GRK5: variants seen among roughly 807,000 people sequenced by gnomAD.
GRK5 encodes g protein-coupled receptor kinase GRK5.
GRK5 carries 40 observed loss-of-function variants against 78.4 expected under a neutral mutation model. The ratio of observed to expected loss-of-function variants is 0.51; its 90% CI spans 0.40 to 0.66. GRK5 has a LOEUF of 0.66. Among genes scored for constraint, GRK5 ranks in the 30% least tolerant of loss-of-function variants. GRK5 has a pLI of 0.00. For synonymous variants in GRK5, 289 were observed against 296.8 expected (o/e 0.97, Z 0.27); for missense variants, 598 against 759.9 (o/e 0.79, Z 2.50).
At chr10:119,380,623 T>A (rs959426591) in intron 2 of GRK5, among the ~76,000 whole-genome samples, 192 bp from the exon 3 acceptor site, 2 of 152,176 alleles carry the variant, frequency 1.3e-5, no homozygotes, top group African/African-American at 4.8e-5. Context: ...GGCTGGGTCA[T>A]CACTGGTGCC....
At chr10:119,248,504 T>C (rs1208483167) in intron 1 of GRK5, among the ~76,000 whole-genome samples, 1 of 152,128 alleles carries the variant, frequency 6.6e-6, no homozygotes, top group Non-Finnish European at 1.5e-5. Context: ...CACCCTTTCT[T>C]TTTGATACTA....
intron 1 of GRK5, among the ~76,000 whole-genome samples, chr10:119,244,890 G>A (rs1393189909): frequency 6.6e-6 from 1 of 152,184 alleles, no homozygotes; most frequent in Middle Eastern, 3.2e-3. Flanking sequence ...AAATAGCATA[G>A]TCAGCTACTA....
At position 119,412,660 on chromosome 10, in the gene GRK5, GT is replaced by G. The variant is rs1852369741; in HGVS notation, c.340-10502del. 6.6e-6 allele frequency among the ~76,000 whole-genome samples: 1 copy of G among 152,180 alleles called. No homozygotes were observed. The highest frequency in any genetic ancestry group is 6.5e-5 in the Admixed American group (1 of 15,286). On this transcript the variant is annotated intron_variant, in intron 4 of 15. Coordinates refer to ENST00000392870, the MANE Select transcript of GRK5 (RefSeq NM_005308.3). The surrounding 1 kb of genome is among the most constrained non-coding windows in gnomAD (Gnocchi z 4.3). ...GTGGCTTTTCCACATGGCCCTGAAG[GT>G]TTTGATTAAAAAGGTGGAAGAATGG...
intron 1 of GRK5, among the ~76,000 whole-genome samples, chr10:119,322,381 A>T (rs902881476): frequency 9.9e-5 from 15 of 152,206 alleles, no homozygotes; most frequent in Admixed American, 9.8e-4. Flanking sequence ...CCCAGTGGTG[A>T]CAATTAAAAA....
intron 1 of GRK5, among the ~76,000 whole-genome samples, chr10:119,235,822 C>T (rs546351498): frequency 6.6e-6 from 1 of 152,224 alleles, no homozygotes; most frequent in East Asian, 1.9e-4. Flanking sequence ...AATAGGTGCT[C>T]AATAAGTACT....
chr10:119,452,714 T>C lies in GRK5; in HGVS notation c.1448T>C (p.Phe483Ser). The change falls in exon 14 of 16, where the codon TTC becomes TCC. Residue 483 changes from phenylalanine to serine, a missense_variant. Phe to Ser is a radical substitution (Grantham distance 155, BLOSUM62 -2). Transcript: ENST00000392870. The surrounding 1 kb of genome is among the most constrained non-coding windows in gnomAD (Gnocchi z 4.4). ...AAGGACGTGCTGGACATCGAGCAGT[T>C]CTCCACTGTGAAGGGCGTCAATCTG... ...YCKDVLDIEQ[F>S]STVKGVNLDH... The C allele has an allele frequency of 6.2e-7, 1 of 1,614,052 alleles. No individual in the cohort carries two copies. The highest frequency in any genetic ancestry group is 8.5e-7 in the Non-Finnish European group (1 of 1,180,006).
chr10:119,284,920 A>G (rs78265082), intron 1 of GRK5, among the ~76,000 whole-genome samples: 3,892 of 152,308 alleles, frequency 0.026, 75 homozygotes, highest in Admixed American at 0.055. Context: ...CGAGCTCCCC[A>G]TCCTGGGCTG....
Position 119,399,764 on chromosome 10 carries a change from T to C in GRK5, c.339+2992T>C, listed in dbSNP as rs142129160. On this transcript the variant is annotated intron_variant, in intron 4 of 15. Transcript: ENST00000392870. ...ATAATTTTTTTTCAATTTTCCATTCTGCTGAGCACACTTTGGGCTACAGAA... is the reference window on the plus strand; with the variant it reads ...ATAATTTTTTTTCAATTTTCCATTCCGCTGAGCACACTTTGGGCTACAGAA... 3.5e-4 allele frequency among the ~76,000 whole-genome samples: 53 copies of C among 152,332 alleles called. No individual in the cohort carries two copies. In the East Asian group the frequency reaches 7.3e-3, roughly 21 times the overall value.
chr10:119,226,313 AT>A lies in GRK5; in HGVS notation c.52+18360del, dbSNP rs746259846. 1.5e-3 allele frequency among the ~76,000 whole-genome samples: 167 copies of A among 108,814 alleles called. No individual in the cohort carries two copies. In the Middle Eastern group the frequency reaches 0.02, roughly 13 times the overall value. 71.4% of individuals were successfully genotyped at this position (108,814 alleles called of 152,430 possible). A position where few individuals can be genotyped will look rare whatever the true frequency, so the allele number is the denominator to read the frequency against. ...TTTCTTTTTTTTTTTTTTAATTTTA[AT>A]TTTTTTTTTTTTTTTGAGATGAAGC... On this transcript the variant is annotated intron_variant, in intron 1 of 15. Coordinates refer to ENST00000392870, the MANE Select transcript of GRK5 (RefSeq NM_005308.3).
At chr10:119,414,659 T>A (rs1852411228) in intron 4 of GRK5, among the ~76,000 whole-genome samples, 1 of 152,214 alleles carries the variant, frequency 6.6e-6, no homozygotes, top group African/African-American at 2.4e-5. Flanking sequence ...GTTACTTAAC[T>A]TCTGAGCCTA....
At chr10:119,423,819 A>G (rs1257865264) in intron 5 of GRK5, among the ~76,000 whole-genome samples, 2 of 152,036 alleles carry the variant, frequency 1.3e-5, no homozygotes, top group East Asian at 3.8e-4. Flanking sequence ...ACACACACAT[A>G]CACACACACA....
chr10:119,317,980 T>G (rs1850520054), intron 1 of GRK5, among the ~76,000 whole-genome samples: 1 of 152,096 alleles, frequency 6.6e-6, no homozygotes, highest in Admixed American at 6.5e-5. Context: ...TGTCTGATTC[T>G]GTAGGTCCAG....
At chr10:119,288,702 G>A (rs1340218415) in intron 1 of GRK5, among the ~76,000 whole-genome samples, 1 of 152,216 alleles carries the variant, frequency 6.6e-6, no homozygotes, top group Non-Finnish European at 1.5e-5. Flanking sequence ...TTAGGTGTGT[G>A]TGGGGAGTGG....
At chr10:119,414,951 G>T (rs11198914) in intron 4 of GRK5, among the ~76,000 whole-genome samples, 35,561 of 151,528 alleles carry the variant, frequency 0.23, 4,319 homozygotes, top group East Asian at 0.4. Context: ...GTGTTGTGGG[G>T]CGTGCCTGTA....
intron 1 of GRK5, among the ~76,000 whole-genome samples, chr10:119,252,235 GTGGAGTTGACAGTTGA>G (rs1481211542): frequency 6.6e-6 from 1 of 152,228 alleles, no homozygotes; most frequent in African/African-American, 2.4e-5. Flanking sequence ...ACAGGTCCTG[GTGGAGTTGACAGTTGA>G]TGGATCACTG....
chr10:119,406,789 A>G (rs1347552834), intron 4 of GRK5, among the ~76,000 whole-genome samples: 1 of 152,206 alleles, frequency 6.6e-6, no homozygotes, highest in Non-Finnish European at 1.5e-5. Context: ...CTCAAGCAAC[A>G]GTAGTGAGGG....
intron 2 of GRK5, among the ~76,000 whole-genome samples, chr10:119,348,723 G>A (rs1851143007): frequency 6.6e-6 from 1 of 152,346 alleles, no homozygotes; most frequent in Admixed American, 6.5e-5. Flanking sequence ...TCCCCATTCT[G>A]GAGGAACCAG....
intron 1 of GRK5, among the ~76,000 whole-genome samples, chr10:119,284,246 TTATTTTAATAA>T (rs1371509740): frequency 5.9e-5 from 9 of 152,162 alleles, no homozygotes; most frequent in African/African-American, 2.2e-4. Flanking sequence ...ACAACTGATA[TTATTTTAATAA>T]TATTTTAATA....
chr10:119,398,190 C>T (rs536283606), intron 4 of GRK5, among the ~76,000 whole-genome samples: 1 of 152,256 alleles, frequency 6.6e-6, no homozygotes, highest in African/African-American at 2.4e-5. Flanking sequence ...TCCCTGTTCA[C>T]CCAGTCGCAG....
Sources: allele counts gnomAD v4.1 joint callset (sites outside exome capture counted in the v4.1 genomes callset), GRCh38; gene constraint gnomAD v4.1.1; non-coding constraint Gnocchi (gnomAD v3.1); transcripts MANE v1.5; gene names NCBI Gene and HGNC (gene_info 2026-07-23, HGNC 2026-07-21).